LDB2: variants seen among roughly 807,000 people sequenced by gnomAD.
The protein encoded by LDB2 is LIM domain binding 2, also known as LIM domain-binding protein 2.
A neutral mutation model predicts 44.3 loss-of-function variants in LDB2; 12 were observed. The observed-to-expected ratio is 0.27, with a 90% CI of 0.17 to 0.44. The LOEUF is 0.44. Ranked by LOEUF, LDB2 falls within the 20% of genes least tolerant of loss-of-function variation. The pLI, the probability that LDB2 is intolerant of heterozygous loss-of-function variation, is 1.00. For missense variants in LDB2, 344 were observed against 473.5 expected (o/e 0.73, Z 2.54); for synonymous variants, 164 against 174.8 (o/e 0.94, Z 0.49).
intron 1 of LDB2, among the ~76,000 whole-genome samples, chr4:16,862,424 G>A (rs1177944164): frequency 1.3e-5 from 2 of 151,390 alleles, no homozygotes; most frequent in Non-Finnish European, 2.9e-5. Flanking sequence ...ACCTGTGGTC[G>A]GGAGTTCAAG....
rs1249694192 is a variant in LDB2, at chr4:16,717,875, TA to T, written c.235+41282del. ...ATATGGCTGCCAATGTCAAGTGAAATAGCAAGTTTCTTTGCTTTAGGCAGGA... is the reference window on the plus strand; with the variant it reads ...ATATGGCTGCCAATGTCAAGTGAAATGCAAGTTTCTTTGCTTTAGGCAGGA... On this transcript the variant is annotated intron_variant, in intron 2 of 7. Transcript: ENST00000304523. 4.6e-5 allele frequency among the ~76,000 whole-genome samples: 7 copies of T among 152,264 alleles called. No homozygotes were observed. In the East Asian group the frequency reaches 1.3e-3, roughly 29 times the overall value.
chr4:16,765,918 A>C (rs1769109850), intron 1 of LDB2, among the ~76,000 whole-genome samples: 1 of 152,232 alleles, frequency 6.6e-6, no homozygotes, highest in Admixed American at 6.5e-5. Flanking sequence ...TCTCAGTGAA[A>C]TGTTGGTTAA....
intron 1 of LDB2, among the ~76,000 whole-genome samples, chr4:16,802,459 A>T (rs550635012): frequency 6.6e-6 from 1 of 152,264 alleles, no homozygotes; most frequent in South Asian, 2.1e-4. Flanking sequence ...GCTGGGGTGT[A>T]TGTCCCATCA....
intron 5 of LDB2, among the ~76,000 whole-genome samples, chr4:16,539,884 T>C (rs1447546787): frequency 1.3e-5 from 2 of 152,194 alleles, no homozygotes; most frequent in Non-Finnish European, 2.9e-5. Context: ...AAGGGGTGTA[T>C]TAGTCCATTC....
At chr4:16,741,315 T>C (rs931401808) in intron 2 of LDB2, 2 of 152,224 alleles carry the variant, frequency 1.3e-5, no homozygotes, top group African/African-American at 4.8e-5. Context: ...TAGTGCCAGG[T>C]GAAATATCAG....
rs1379698669 is a variant in LDB2, at chr4:16,898,481, G to T, written c.5C>A (p.Ser2Tyr). The T allele has an allele frequency of 6.2e-7, 1 of 1,613,582 alleles. No homozygotes were observed. The highest frequency in any genetic ancestry group is 8.5e-7 in the Non-Finnish European group (1 of 1,179,828). The change falls in exon 1 of 8, where the codon TCC (serine) becomes TAC (tyrosine). Residue 2 changes from serine to tyrosine, a missense_variant. Ser to Tyr is a moderately radical substitution (Grantham distance 144). Transcript: ENST00000304523. ...ATAGAAGGGGTCATGTGGTGTGCTG[G>T]ACATCTTGCCTGCTTTTCGAAAATC... The part of the protein sequence containing the change: M[S>Y]STPHDPFYSS...
intron 2 of LDB2, among the ~76,000 whole-genome samples, chr4:16,714,137 T>A (rs1240137971): frequency 2.0e-5 from 3 of 152,214 alleles, no homozygotes; most frequent in Non-Finnish European, 4.4e-5. Context: ...AGGTGTCTAA[T>A]AGCAGTTCCA....
At chr4:16,503,175 A>G (rs1283400614) in intron 7 of LDB2, 2 of 1,532,940 alleles carry the variant, frequency 1.3e-6, no homozygotes, top group Non-Finnish European at 1.7e-6. Context: ...AAAAAAATCC[A>G]TGCTTTCAAC....
intron 2 of LDB2, among the ~76,000 whole-genome samples, chr4:16,621,291 G>A (rs1005933540): frequency 3.3e-5 from 5 of 152,194 alleles, no homozygotes; most frequent in African/African-American, 1.2e-4. Flanking sequence ...GATGCATCTT[G>A]TAACATGAGC....
chr4:16,784,685 G>T (rs770036196), intron 1 of LDB2, among the ~76,000 whole-genome samples: 1 of 152,164 alleles, frequency 6.6e-6, no homozygotes, highest in South Asian at 2.1e-4. Context: ...GGAGAAGAAA[G>T]TTCAAATTCC....
intron 1 of LDB2, among the ~76,000 whole-genome samples, chr4:16,827,267 C>G (rs1342327666): frequency 6.6e-6 from 1 of 152,060 alleles, no homozygotes; most frequent in Non-Finnish European, 1.5e-5. Flanking sequence ...AGCAGGAGGA[C>G]AGTGTCAGAA....
intron 5 of LDB2, among the ~76,000 whole-genome samples, chr4:16,516,237 C>T (rs6834728): frequency 0.02 from 3,011 of 152,242 alleles, 112 homozygotes; most frequent in African/African-American, 0.067. Context: ...GTTTCAGTTT[C>T]ACCTGCAAAA....
At chr4:16,555,165 C>T (rs1346602011) in intron 5 of LDB2, among the ~76,000 whole-genome samples, 1 of 150,986 alleles carries the variant, frequency 6.6e-6, no homozygotes, top group African/African-American at 2.4e-5. Context: ...TCTGGATTCC[C>T]TCACAGAGAT....
chr4:16,813,857 ATTTTC>A (rs770540195), intron 1 of LDB2, among the ~76,000 whole-genome samples: 70 of 149,084 alleles, frequency 4.7e-4, no homozygotes, highest in East Asian at 3.6e-3. Context: ...AGGGATACTG[ATTTTC>A]TTTTCTTTTC....
chr4:16,666,946 G>T (rs904559352), intron 2 of LDB2, among the ~76,000 whole-genome samples: 3 of 152,130 alleles, frequency 2.0e-5, no homozygotes, highest in African/African-American at 4.8e-5. Flanking sequence ...TTTGAACAGG[G>T]TGGGGGAATG....
chr4:16,827,993 G>T (rs1455707423), intron 1 of LDB2, among the ~76,000 whole-genome samples: 1 of 151,978 alleles, frequency 6.6e-6, no homozygotes, highest in Non-Finnish European at 1.5e-5. Context: ...TCTCTTTCTG[G>T]AATCTTTCTC....
Position 16,635,841 on chromosome 4 carries a change from C to A in LDB2, c.236-39966G>T, listed in dbSNP as rs551433813. On this transcript the variant is annotated intron_variant, in intron 2 of 7. Transcript: ENST00000304523. The stretch of plus-strand genomic sequence containing the variant: ...TGTAATCAAGCCCTTTGGAAAGAGT[C>A]AATATGATTCCAGGTCAGGGCTCAC... Among the ~76,000 whole-genome samples, 3 of 152,194 alleles carry A rather than the reference C, an allele frequency of 2.0e-5. No individual in the cohort carries two copies. In the South Asian group the frequency reaches 6.2e-4, roughly 32 times the overall value.
chr4:16,823,154 T>G (rs148876360), intron 1 of LDB2, among the ~76,000 whole-genome samples: 1 of 152,226 alleles, frequency 6.6e-6, no homozygotes, highest in African/African-American at 2.4e-5. Context: ...ACATCAGTAC[T>G]GTCACCATAG....
intron 5 of LDB2, among the ~76,000 whole-genome samples, chr4:16,544,576 A>C (rs1013935850): frequency 1.3e-5 from 2 of 152,106 alleles, no homozygotes; most frequent in Non-Finnish European, 2.9e-5. Context: ...GGAGAAGGGG[A>C]GAGGTTTTGG....
Sources: allele counts gnomAD v4.1 joint callset (sites outside exome capture counted in the v4.1 genomes callset), GRCh38; gene constraint gnomAD v4.1.1; transcripts MANE v1.5; gene names NCBI Gene and HGNC (gene_info 2026-07-23, HGNC 2026-07-21).